Variants in SAMM50 observed in about 807,000 individuals in gnomAD.
The protein encoded by SAMM50 is sorting and assembly machinery component 50 homolog.
A neutral mutation model predicts 66.9 loss-of-function variants in SAMM50; 47 were observed. The ratio of observed to expected loss-of-function variants is 0.70; its 90% CI spans 0.56 to 0.90. The LOEUF (loss-of-function observed/expected upper bound fraction) is 0.90. Among genes scored for constraint, SAMM50 ranks in the 40% least tolerant of loss-of-function variants. The pLI is 0.00. For missense variants in SAMM50, 535 were observed against 595.3 expected (o/e 0.90, Z 1.05); for synonymous variants, 191 against 214.1 (o/e 0.89, Z 0.94).
At chr22:43,963,557 A>G (rs2050158305) in intron 2 of SAMM50, among the ~76,000 whole-genome samples, 161 bp downstream of exon 2, 1 of 152,204 alleles carries the variant, frequency 6.6e-6, no homozygotes, top group South Asian at 2.1e-4. Context: ...TTAGAAAAAC[A>G]GTTTCTATTT....
intron 9 of SAMM50, 53 bp from the exon 10 acceptor site, chr22:43,977,819 C>T (rs1162352052): frequency 8.5e-7 from 1 of 1,172,410 alleles, no homozygotes; most frequent in Non-Finnish European, 1.3e-6. Flanking sequence ...GATTCTGTAG[C>T]CCCTGTAATA....
At chr22:43,992,864 C>T (rs1029153104) in intron 14 of SAMM50, among the ~76,000 whole-genome samples, 2 of 152,224 alleles carry the variant, frequency 1.3e-5, no homozygotes, top group Non-Finnish European at 2.9e-5. Flanking sequence ...TCCACATCAT[C>T]TCAGCTAACA....
chr22:43,996,166 A>C, intron 14 of SAMM50, 172 bp from the exon 15 acceptor site: 1 of 736,136 alleles, frequency 1.4e-6, no homozygotes. Flanking sequence ...CTTAACCAGC[A>C]AAGGAGGAAG....
At chr22:43,978,608 G>T (rs2050246629) in intron 10 of SAMM50, among the ~76,000 whole-genome samples, 1 of 151,744 alleles carries the variant, frequency 6.6e-6, no homozygotes, top group South Asian at 2.1e-4. Flanking sequence ...ACTTTGCTGG[G>T]TCTACAGGGC....
At chr22:43,956,581 AAG>A (rs1157329741) in intron 1 of SAMM50, among the ~76,000 whole-genome samples, 2 of 152,220 alleles carry the variant, frequency 1.3e-5, no homozygotes, top group Admixed American at 6.5e-5. Context: ...GCAGCAGAGA[AAG>A]AGTTTCAGTT....
chr22:43,978,099 GC>G, intron 10 of SAMM50, 141 bp downstream of exon 10: 1 of 596,618 alleles, frequency 1.7e-6, no homozygotes, highest in Non-Finnish European at 2.9e-6. Context: ...TTCCAGTTTA[GC>G]CAGATTTGCA....
Position 43,978,002 on chromosome 22 carries a change from C to T in SAMM50, c.936+44C>T, listed in dbSNP as rs746849628. 6 of 1,278,088 alleles carry T rather than the reference C, an allele frequency of 4.7e-6. No individual in the cohort carries two copies. In the East Asian group the frequency reaches 1.4e-4, roughly 30 times the overall value. The allele number at this position is 1,278,088 out of a possible 1,614,324, so 79.2% of individuals were successfully genotyped here. A position where few individuals can be genotyped will look rare whatever the true frequency, so the allele number is the denominator to read the frequency against. ...CTGGCACCTGCACTGTCAGCCCTTACTTTGGGGATCTTACCACAGAATCTT... is the reference window on the plus strand; with the variant it reads ...CTGGCACCTGCACTGTCAGCCCTTATTTTGGGGATCTTACCACAGAATCTT... On this transcript the variant is annotated intron_variant, in intron 10 of 14. Coordinates refer to ENST00000350028, the MANE Select transcript of SAMM50 (RefSeq NM_015380.5).
intron 12 of SAMM50, chr22:43,987,250 A>G (rs1327078391): frequency 2.0e-5 from 3 of 152,204 alleles, no homozygotes; most frequent in Non-Finnish European, 4.4e-5. Context: ...TAATACTATT[A>G]ATGATAGCCC....
At chr22:43,966,607 C>T (rs558361889) in intron 3 of SAMM50, among the ~76,000 whole-genome samples, 3 of 152,152 alleles carry the variant, frequency 2.0e-5, no homozygotes, top group East Asian at 1.9e-4. Flanking sequence ...CCACCTGCCT[C>T]GGCCTGCCAG....
At chr22:43,982,153 T>C (rs1302429034) in intron 11 of SAMM50, among the ~76,000 whole-genome samples, 1 of 152,234 alleles carries the variant, frequency 6.6e-6, no homozygotes, top group Non-Finnish European at 1.5e-5. Context: ...TACAGCTTTT[T>C]TGGATGGTGG....
At chr22:43,991,275 ATTT>A (rs938187573) in intron 14 of SAMM50, among the ~76,000 whole-genome samples, 1 of 116,630 alleles carries the variant, frequency 8.6e-6, no homozygotes, top group African/African-American at 3.3e-5. Context: ...CACGCCCGGC[ATTT>A]TTTTTTTTTT....
chr22:43,971,383 C>A (rs1475747660), intron 4 of SAMM50, among the ~76,000 whole-genome samples: 3 of 152,214 alleles, frequency 2.0e-5, no homozygotes, highest in African/African-American at 7.2e-5. Context: ...CTGCACAAGG[C>A]ACCCCAGGGC....
chr22:43,967,053 C>T (rs2050177250), intron 3 of SAMM50, among the ~76,000 whole-genome samples: 1 of 152,170 alleles, frequency 6.6e-6, no homozygotes, highest in Non-Finnish European at 1.5e-5. Context: ...TCCTGGGTTG[C>T]TTTTTCTGTC....
chr22:43,972,912 A>G lies in SAMM50; in HGVS notation c.471A>G (p.Glu157=). Residue 157 remains glutamate, a synonymous_variant, in exon 6 of 15, where the codon GAA becomes GAG. Coordinates refer to ENST00000350028, the MANE Select transcript of SAMM50 (RefSeq NM_015380.5). ...TTCCTAATCTTCTTGGTCGTGCAGA[A>G]AAGGTGACCTTTCAGTTTTCCTATG... The part of the protein sequence containing the change: ...LKLPNLLGRA[E]KVTFQFSYGT... The G allele has an allele frequency of 6.2e-7, 1 of 1,603,590 alleles. No homozygotes were observed. Among genetic ancestry groups the G allele is most frequent in the South Asian group, 1.1e-5 (1 of 87,700 alleles).
chr22:43,986,671 C>G (rs1383426467), intron 12 of SAMM50: 1 of 151,968 alleles, frequency 6.6e-6, no homozygotes, highest in African/African-American at 2.4e-5. Context: ...CCTGCCTCAA[C>G]CTCCTGAATA....
Position 43,955,539 on chromosome 22 carries a change from C to T in SAMM50, c.-39C>T. 1.9e-6 allele frequency: 3 copies of T among 1,590,192 alleles called. No individual in the cohort carries two copies. The highest frequency in any genetic ancestry group is 2.6e-6 in the Non-Finnish European group (3 of 1,169,032). On this transcript the variant is annotated 5_prime_UTR_variant, in exon 1 of 15. Transcript: ENST00000350028. ...CCTCAGCAGCAGACGCTCTGTCCCGCCCGGGCAGCTCTGCGAGGCAGCGGC... is the reference window on the plus strand; with the variant it reads ...CCTCAGCAGCAGACGCTCTGTCCCGTCCGGGCAGCTCTGCGAGGCAGCGGC...
chr22:43,972,441 G>A (rs1305823270), intron 5 of SAMM50, 99 bp downstream of exon 5: 15 of 645,774 alleles, frequency 2.3e-5, no homozygotes, highest in Middle Eastern at 8.3e-4. Context: ...TTCAAAATTC[G>A]GTCATTTCAT....
Position 43,955,560 on chromosome 22 carries a change from G to A in SAMM50, c.-18G>A, listed in dbSNP as rs777517885. On this transcript the variant is annotated 5_prime_UTR_variant, in exon 1 of 15. Coordinates refer to ENST00000350028, the MANE Select transcript of SAMM50 (RefSeq NM_015380.5). Reference sequence around the variant, plus strand: ...CCCGCCCGGGCAGCTCTGCGAGGCAGCGGCTGGAGAGGGAACCATGGGGAC... The same window carrying A: ...CCCGCCCGGGCAGCTCTGCGAGGCAACGGCTGGAGAGGGAACCATGGGGAC... 1.4e-5 allele frequency: 22 copies of A among 1,599,884 alleles called. No homozygotes were observed. Among genetic ancestry groups the A allele is most frequent in the Non-Finnish European group, 1.9e-5 (22 of 1,174,254 alleles).
At position 43,963,334 on chromosome 22, in the gene SAMM50, G is replaced by C; in HGVS notation, c.70G>C (p.Glu24Gln). The change falls in exon 2 of 15, where the codon GAA becomes CAA. Residue 24 changes from glutamate to glutamine, a missense_variant. Glu to Gln is a conservative substitution (Grantham distance 29). Coordinates refer to ENST00000350028, the MANE Select transcript of SAMM50 (RefSeq NM_015380.5). ...TGGACCTGATTTTGGAGGATTAGGAGAAGAAGCTGAATTTGTTGAAGTTGA... is the reference window on the plus strand; with the variant it reads ...TGGACCTGATTTTGGAGGATTAGGACAAGAAGCTGAATTTGTTGAAGTTGA... ...SSGPDFGGLG[E>Q]EAEFVEVEPE... The C allele has an allele frequency of 6.2e-7, 1 of 1,613,408 alleles. No homozygotes were observed. Among genetic ancestry groups the C allele is most frequent in the South Asian group, 1.1e-5 (1 of 90,898 alleles).
Sources: allele counts gnomAD v4.1 joint callset (sites outside exome capture counted in the v4.1 genomes callset), GRCh38; gene constraint gnomAD v4.1.1; transcripts MANE v1.5; gene names NCBI Gene and HGNC (gene_info 2026-07-23, HGNC 2026-07-21).